The following GMPPA variants were observed in gnomAD, a reference collection of about 807,000 sequenced individuals.
GMPPA encodes mannose-1-phosphate guanylyltransferase regulatory subunit alpha.
Under a neutral mutation model 58.6 loss-of-function variants are expected in GMPPA, and 46 were observed. That is an observed-to-expected ratio of 0.78 (90% CI 0.62 to 1.00). GMPPA has a LOEUF of 1.00. GMPPA is among the 50% of genes least tolerant of loss of function. The pLI is 0.00. For synonymous variants in GMPPA, 211 were observed against 214.9 expected (o/e 0.98, Z 0.16); for missense variants, 468 against 556.4 (o/e 0.84, Z 1.60).
chr2:219,505,159 G>T, intron 7 of GMPPA, 69 bp from the exon 8 acceptor site: 1 of 1,527,226 alleles, frequency 6.5e-7, no homozygotes, highest in South Asian at 1.2e-5. Flanking sequence ...CTGTCCCTGG[G>T]AGACTGTGTT....
At position 219,505,692 on chromosome 2, in the gene GMPPA, C is replaced by T. The variant is rs61304293; in HGVS notation, c.854-23C>T. ...AAATTCGGTTTGGGATATTTGCCCCCAGGGCCTCTCTTCTGCTTCTAGGGA... is the reference window on the plus strand; with the variant it reads ...AAATTCGGTTTGGGATATTTGCCCCTAGGGCCTCTCTTCTGCTTCTAGGGA... On this transcript the variant is annotated intron_variant, in intron 9 of 12. Coordinates refer to ENST00000313597, the MANE Select transcript of GMPPA (RefSeq NM_013335.4). 1.5e-3 allele frequency: 2,472 copies of T among 1,612,736 alleles called. 35 individuals are homozygous for T. In the African/African-American group the frequency reaches 0.03, roughly 20 times the overall value.
Position 219,502,116 on chromosome 2 carries a change from A to G in GMPPA, c.429+79A>G. On this transcript the variant is annotated intron_variant, in intron 5 of 12. Coordinates refer to ENST00000313597, the MANE Select transcript of GMPPA (RefSeq NM_013335.4). This position sits in a 1 kb window ranked among gnomAD's most constrained non-coding sequence, Gnocchi z 4.0. The stretch of plus-strand genomic sequence containing the variant: ...CCGGAATTCAGGGTGTTGGGGAGGC[A>G]GGGGCGCCCCGGGAGTTGGTGTGGG... 1 of 1,440,236 alleles carries G rather than the reference A, an allele frequency of 6.9e-7. No homozygotes were observed. 89.2% of individuals were successfully genotyped at this position (1,440,236 alleles called of 1,614,324 possible). A position where few individuals can be genotyped will look rare whatever the true frequency, so the allele number is the denominator to read the frequency against.
At chr2:219,504,635 C>T in intron 7 of GMPPA, 1 of 212,222 alleles carries the variant, frequency 4.7e-6, no homozygotes, top group Non-Finnish European at 9.4e-6. Context: ...CCAGGGTCTT[C>T]CCTCCTGGGG....
intron 6 of GMPPA, among the ~76,000 whole-genome samples, chr2:219,503,826 G>A (rs1019013453): frequency 5.3e-5 from 8 of 152,226 alleles, no homozygotes; most frequent in Non-Finnish European, 8.8e-5. Context: ...GTGGAAATGC[G>A]TCTGAGAGGT....
chr2:219,501,633 G>A lies in GMPPA; in HGVS notation c.242+54G>A, dbSNP rs1244350038. On this transcript the variant is annotated intron_variant, in intron 4 of 12. Transcript: ENST00000313597. ...GGGTGGGGATGCCCTAGGCCTCTGA[G>A]TTCTTGGAAGTGGGTTGAGTCAGCA... is the stretch of plus-strand genomic sequence containing the variant. 44 of 1,144,112 alleles carry A rather than the reference G, an allele frequency of 3.8e-5. No homozygotes were observed. The Admixed American group carries it at 7.5e-4, about 19-fold the overall frequency. 70.9% of individuals were successfully genotyped at this position (1,144,112 alleles called of 1,614,324 possible).
chr2:219,501,365 C>G, intron 3 of GMPPA, 111 bp from the exon 4 acceptor site: 1 of 727,760 alleles, frequency 1.4e-6, no homozygotes, highest in Non-Finnish European at 2.5e-6. Flanking sequence ...GCCCTGGGGC[C>G]CCACAGCTGA....
intron 1 of GMPPA, 197 bp from the exon 2 acceptor site, chr2:219,499,759 G>C: frequency 1.6e-6 from 1 of 619,948 alleles, no homozygotes; most frequent in South Asian, 1.9e-5. Flanking sequence ...TTTGGGGTTT[G>C]GTTGGGGTGT....
At chr2:219,500,497 C>G in intron 3 of GMPPA, 1 of 496,206 alleles carries the variant, frequency 2.0e-6, no homozygotes, top group South Asian at 2.5e-5. Flanking sequence ...AATGTAAAGC[C>G]GTAGCATGGA....
rs560995723 is a variant in GMPPA, at chr2:219,499,721, G to A, written c.-20-235G>A. On this transcript the variant is annotated intron_variant, in intron 1 of 12. Coordinates refer to ENST00000313597, the MANE Select transcript of GMPPA (RefSeq NM_013335.4). ...TATTGAGCTTTGGGTTTACATCTTG[G>A]GGGAGGGCTAAGTGCTGCTATTTGG... 3.4e-5 allele frequency: 20 copies of A among 587,496 alleles called. No individual in the cohort carries two copies. The South Asian group carries it at 3.6e-4, about 11-fold the overall frequency. 36.4% of individuals were successfully genotyped at this position (587,496 alleles called of 1,614,324 possible). A position where few individuals can be genotyped will look rare whatever the true frequency, so the allele number is the denominator to read the frequency against.
At chr2:219,500,691 G>A (rs559251309) in intron 3 of GMPPA, 176 of 189,628 alleles carry the variant, frequency 9.3e-4, no homozygotes, top group African/African-American at 4.0e-3. Context: ...AAATGGGGGT[G>A]ATTAGACCTA....
At chr2:219,504,279 T>A in intron 7 of GMPPA, 66 bp downstream of exon 7, 6 of 1,491,106 alleles carry the variant, frequency 4.0e-6, no homozygotes, top group Non-Finnish European at 5.6e-6. Flanking sequence ...CACATACCAG[T>A]CTCTGCAGGC....
Position 219,506,040 on chromosome 2 carries a change from G to C in GMPPA, c.961G>C (p.Glu321Gln). The change falls in exon 11 of 13, where the codon GAG (glutamate) becomes CAG (glutamine). Residue 321 changes from glutamate to glutamine, a missense_variant. Physicochemically the swap from Glu to Gln is conservative, Grantham distance 29. Coordinates refer to ENST00000313597, the MANE Select transcript of GMPPA (RefSeq NM_013335.4). ...VTVGEGVRLRESIVLHGATLQ... is the reference protein window; with the variant it reads ...VTVGEGVRLRQSIVLHGATLQ... ...CGTGGGTGAGGGTGTGCGGCTCCGG[G>C]AGAGCATCGTCCTCCATGGAGCCAC... 1 of 1,595,360 alleles carries C rather than the reference G, an allele frequency of 6.3e-7. No homozygotes were observed. The highest frequency in any genetic ancestry group is 1.3e-5 in the African/African-American group (1 of 74,664).
intron 12 of GMPPA, 109 bp from the exon 13 acceptor site, chr2:219,506,588 CA>C: frequency 2.1e-6 from 2 of 960,552 alleles, no homozygotes; most frequent in South Asian, 1.5e-5. Context: ...GGCATGAGAC[CA>C]GGGGCACAGA....
At chr2:219,504,234 C>G (rs1419951980) in intron 7 of GMPPA, 21 bp downstream of exon 7, 10 of 1,611,838 alleles carry the variant, frequency 6.2e-6, no homozygotes, top group African/African-American at 1.3e-5. Flanking sequence ...CCCCATAGCC[C>G]TGTGACCCCA....
Position 219,502,034 on chromosome 2 carries a change from T to C in GMPPA, c.426T>C (p.Thr142=), listed in dbSNP as rs769695080. The C allele has an allele frequency of 1.2e-6, 2 of 1,614,066 alleles. No homozygotes were observed. The highest frequency in any genetic ancestry group is 1.7e-6 in the Non-Finnish European group (2 of 1,179,926). ...GTCACCCTTTCTTACTCCTTGGCAC[T>C]ACGGTGAGGGGGTCAGGAGGGCTGG... ...RQRHPFLLLG[T]TANRTQSLNY... is the part of the protein sequence containing the mutation. The change falls in exon 5 of 13, where the codon ACT becomes ACC. Residue 142 remains threonine (T), a synonymous_variant. Coordinates refer to ENST00000313597, the MANE Select transcript of GMPPA (RefSeq NM_013335.4). This position sits in a 1 kb window ranked among gnomAD's most constrained non-coding sequence, Gnocchi z 4.0.
At chr2:219,505,617 C>A in intron 9 of GMPPA, 62 bp downstream of exon 9, 1 of 1,579,918 alleles carries the variant, frequency 6.3e-7, no homozygotes, top group African/African-American at 1.3e-5. Context: ...AACCAGGATT[C>A]TTGACCTCGA....
At position 219,501,871 on chromosome 2, in the gene GMPPA, C is replaced by T. The variant is rs1473636448; in HGVS notation, c.263C>T (p.Pro88Leu). The T allele has an allele frequency of 6.2e-7, 1 of 1,614,136 alleles. No homozygotes were observed. ...LPVRYLQEFA[P>L]LGTGGGLYHF... ...GACAGGTACCTGCAGGAATTTGCCC[C>T]CCTAGGCACAGGGGGTGGTCTTTAC... The change falls in exon 5 of 13, where the codon CCC becomes CTC. Residue 88 changes from proline to leucine, a missense_variant. Coordinates refer to ENST00000313597, the MANE Select transcript of GMPPA (RefSeq NM_013335.4).
In GMPPA at chr2:219,501,868, C is replaced by T. The variant is rs867965865; in HGVS notation, c.260C>T (p.Ala87Val). 3 of 1,613,892 alleles carry T rather than the reference C, an allele frequency of 1.9e-6. 1 individual carries two copies. The Admixed American group carries it at 5.0e-5, about 27-fold the overall frequency. Residue 87 changes from alanine to valine, a missense_variant, in exon 5 of 13, where the codon GCC becomes GTC. Physicochemically the swap from Ala to Val is moderately conservative, Grantham distance 64 (BLOSUM62 0). Coordinates refer to ENST00000313597, the MANE Select transcript of GMPPA (RefSeq NM_013335.4). ...GGGGACAGGTACCTGCAGGAATTTG[C>T]CCCCCTAGGCACAGGGGGTGGTCTT... ...NLPVRYLQEF[A>V]PLGTGGGLYH...
In GMPPA at chr2:219,502,143, G is replaced by A; in HGVS notation, c.429+106G>A. On this transcript the variant is annotated intron_variant, in intron 5 of 12. Transcript: ENST00000313597. This position sits in a 1 kb window ranked among gnomAD's most constrained non-coding sequence, Gnocchi z 4.0. ...GGGCGCCCCGGGAGTTGGTGTGGGAGCTGGCGTCAGGAGGGAGATGCGCTG... is the reference window on the plus strand; with the variant it reads ...GGGCGCCCCGGGAGTTGGTGTGGGAACTGGCGTCAGGAGGGAGATGCGCTG... The A allele has an allele frequency of 8.6e-7, 1 of 1,164,204 alleles. No homozygotes were observed. The highest frequency in any genetic ancestry group is 1.3e-6 in the Non-Finnish European group (1 of 797,902). The allele number at this position is 1,164,204 out of a possible 1,614,324, so 72.1% of individuals were successfully genotyped here.
Sources: gnomAD v4.1 joint callset for allele counts (sites outside exome capture counted in the v4.1 genomes callset) on GRCh38, gnomAD v4.1.1 for gene constraint, Gnocchi (gnomAD v3.1) non-coding constraint, MANE v1.5 for transcripts, NCBI Gene and HGNC (gene_info 2026-07-23, HGNC 2026-07-21) for gene names.